The following PPM1E variants were observed in gnomAD, a reference collection of about 807,000 sequenced individuals.
PPM1E encodes protein phosphatase 1E.
PPM1E carries 20 observed loss-of-function variants against 65.9 expected under a neutral mutation model. The ratio of observed to expected loss-of-function variants is 0.30; its 90% CI spans 0.21 to 0.44. The LOEUF is 0.44. PPM1E is among the 20% of genes least tolerant of loss of function. The probability of loss-of-function intolerance (pLI) is 1.00; values close to 1 mark genes in which losing one functional copy is unlikely to be tolerated. For missense variants in PPM1E, 713 were observed against 953.1 expected (o/e 0.75, Z 3.32); for synonymous variants, 352 against 374.9 (o/e 0.94, Z 0.70).
chr17:58,777,593 C>T (rs901569107), intron 1 of PPM1E, among the ~76,000 whole-genome samples: 12 of 152,042 alleles, frequency 7.9e-5, no homozygotes, highest in African/African-American at 2.7e-4. Context: ...ATCATTTTAC[C>T]TGTTGGCTGA....
At chr17:58,900,049 G>A (rs2051479688) in intron 1 of PPM1E, among the ~76,000 whole-genome samples, 1 of 151,440 alleles carries the variant, frequency 6.6e-6, no homozygotes, top group African/African-American at 2.4e-5. Context: ...AAAAAGTGAA[G>A]AGGAGTTGCT....
chr17:58,757,846 G>C (rs1015231313), intron 1 of PPM1E, among the ~76,000 whole-genome samples: 1 of 152,106 alleles, frequency 6.6e-6, no homozygotes, highest in Non-Finnish European at 1.5e-5. Flanking sequence ...AGGTAATGAT[G>C]CTTTTTGAGA....
chr17:58,830,412 A>G (rs1164049473), intron 1 of PPM1E, among the ~76,000 whole-genome samples: 1 of 151,518 alleles, frequency 6.6e-6, no homozygotes, highest in Non-Finnish European at 1.5e-5. Context: ...GGTTCACGCC[A>G]TTCTCCTGCC....
At position 58,768,272 on chromosome 17, in the gene PPM1E, C is replaced by T. The variant is rs561851513; in HGVS notation, c.464+11811C>T. 2.4e-4 allele frequency among the ~76,000 whole-genome samples: 37 copies of T among 151,946 alleles called. 3 individuals are homozygous for T. In the South Asian group the frequency reaches 6.4e-3, roughly 26 times the overall value. On this transcript the variant is annotated intron_variant, in intron 1 of 6. Transcript: ENST00000308249. Reference sequence around the variant, plus strand: ...CTGCTATTTTTTAAAATAGAGATGGCGGTCTCTATTTTGCCCAGGGTGGTC... The same window carrying T: ...CTGCTATTTTTTAAAATAGAGATGGTGGTCTCTATTTTGCCCAGGGTGGTC...
intron 1 of PPM1E, among the ~76,000 whole-genome samples, chr17:58,855,320 C>T (rs939454976): frequency 6.6e-6 from 1 of 152,152 alleles, no homozygotes; most frequent in African/African-American, 2.4e-5. Flanking sequence ...CACCTCCAGC[C>T]CACTCTATAC....
At chr17:58,919,736 G>A (rs916492987) in intron 1 of PPM1E, among the ~76,000 whole-genome samples, 4 of 150,630 alleles carry the variant, frequency 2.7e-5, no homozygotes, top group Non-Finnish European at 4.4e-5. Flanking sequence ...GCAGTGAGCC[G>A]AGATCACACC....
chr17:58,898,144 C>T (rs1331376629), intron 1 of PPM1E, among the ~76,000 whole-genome samples: 1 of 151,522 alleles, frequency 6.6e-6, no homozygotes, highest in Non-Finnish European at 1.5e-5. Flanking sequence ...CCCAGCTACT[C>T]AGGAGGCTGA....
Position 58,766,271 on chromosome 17 carries a change from G to A in PPM1E, c.464+9810G>A, listed in dbSNP as rs1446195824. Among the ~76,000 whole-genome samples, 9 of 139,474 alleles carry A rather than the reference G, an allele frequency of 6.5e-5. 1 individual carries two copies. In the South Asian group the frequency reaches 1.2e-3, roughly 18 times the overall value. The allele number at this position is 139,474 out of a possible 152,430, so 91.5% of individuals were successfully genotyped here. On this transcript the variant is annotated intron_variant, in intron 1 of 6. Coordinates refer to ENST00000308249, the MANE Select transcript of PPM1E (RefSeq NM_014906.5). The stretch of plus-strand genomic sequence containing the variant: ...GGCTGGAGTGCAGTGGCACGATCTC[G>A]GCTCACTGCAACCTCCGCCTCCCAG...
At chr17:58,767,768 G>A (rs1471061051) in intron 1 of PPM1E, among the ~76,000 whole-genome samples, 2 of 151,568 alleles carry the variant, frequency 1.3e-5, no homozygotes, top group African/African-American at 2.4e-5. Flanking sequence ...TTAGGCTCCC[G>A]AGTAGCTGGG....
At chr17:58,778,541 C>G (rs2050017837) in intron 1 of PPM1E, among the ~76,000 whole-genome samples, 1 of 151,102 alleles carries the variant, frequency 6.6e-6, no homozygotes, top group African/African-American at 2.4e-5. Flanking sequence ...TCCCAAATAG[C>G]TGGGACTACA....
chr17:58,847,610 A>G (rs1024100434), intron 1 of PPM1E, among the ~76,000 whole-genome samples: 1 of 152,058 alleles, frequency 6.6e-6, no homozygotes, highest in Non-Finnish European at 1.5e-5. Context: ...TGAGGGCTCT[A>G]TTCTGTTCCA....
At chr17:58,873,588 A>ATTATTG (rs1598622072) in intron 1 of PPM1E, among the ~76,000 whole-genome samples, 1 of 146,320 alleles carries the variant, frequency 6.8e-6, no homozygotes, top group East Asian at 2.0e-4. Flanking sequence ...TATTATTATT[A>ATTATTG]TTATTATTAT....
At position 58,980,762 on chromosome 17, in the gene PPM1E, T is replaced by C. The variant is rs960291670; in HGVS notation, c.1999T>C (p.Leu667=). The change falls in exon 7 of 7, where the codon TTG becomes CTG. Residue 667 remains leucine (L), a synonymous_variant. Coordinates refer to ENST00000308249, the MANE Select transcript of PPM1E (RefSeq NM_014906.5). The surrounding 1 kb of genome is among the most constrained non-coding windows in gnomAD (Gnocchi z 4.7). ...ATCCCCGGGAAACAGAGTTTCTAGATTGTCTCATTTACGCCACCACTACTC... is the reference window on the plus strand; with the variant it reads ...ATCCCCGGGAAACAGAGTTTCTAGACTGTCTCATTTACGCCACCACTACTC... The part of the protein sequence containing the change: ...FKSPGNRVSR[L]SHLRHHYSKK... 4 of 1,614,004 alleles carry C rather than the reference T, an allele frequency of 2.5e-6. No homozygotes were observed. Among genetic ancestry groups the C allele is most frequent in the African/African-American group, 1.3e-5 (1 of 74,918 alleles).
chr17:58,775,946 AAAAG>A (rs2144190717), intron 1 of PPM1E, among the ~76,000 whole-genome samples: 1 of 150,720 alleles, frequency 6.6e-6, no homozygotes, highest in East Asian at 1.9e-4. Context: ...AAAAAAAAAA[AAAAG>A]AATAGTTGGA....
intron 1 of PPM1E, among the ~76,000 whole-genome samples, chr17:58,949,128 T>A (rs2052202379): frequency 6.6e-6 from 1 of 152,246 alleles, no homozygotes; most frequent in South Asian, 2.1e-4. Flanking sequence ...TATTGGCATC[T>A]GTCTCTTCCT....
At chr17:58,946,986 T>G (rs1486505118) in intron 1 of PPM1E, among the ~76,000 whole-genome samples, 1 of 152,022 alleles carries the variant, frequency 6.6e-6, no homozygotes, top group Non-Finnish European at 1.5e-5. Flanking sequence ...GTGATGCATT[T>G]GGCATTAATT....
At chr17:58,908,412 T>A (rs771564321) in intron 1 of PPM1E, among the ~76,000 whole-genome samples, 1 of 151,432 alleles carries the variant, frequency 6.6e-6, no homozygotes, top group Non-Finnish European at 1.5e-5. Context: ...CAGTTTCCTC[T>A]TTTTTAGCAT....
At chr17:58,798,558 G>T in intron 1 of PPM1E, among the ~76,000 whole-genome samples, 1 of 136,926 alleles carries the variant, frequency 7.3e-6, no homozygotes, top group Non-Finnish European at 1.6e-5. Flanking sequence ...ACGCAATAGT[G>T]TCTTCAGTCA....
intron 1 of PPM1E, among the ~76,000 whole-genome samples, chr17:58,776,726 A>G (rs1420909692): frequency 3.9e-5 from 6 of 152,194 alleles, no homozygotes; most frequent in Non-Finnish European, 2.9e-5. Context: ...CTATGTTTTA[A>G]TATGTAAATT....
Sources: allele counts gnomAD v4.1 joint callset (sites outside exome capture counted in the v4.1 genomes callset), GRCh38; gene constraint gnomAD v4.1.1; non-coding constraint Gnocchi (gnomAD v3.1); transcripts MANE v1.5; gene names NCBI Gene and HGNC (gene_info 2026-07-23, HGNC 2026-07-21).